The following PLXNA4 variants were observed in gnomAD, a reference collection of about 807,000 sequenced individuals.
The protein encoded by PLXNA4 is plexin A4.
PLXNA4 carries 44 observed loss-of-function variants against 191.8 expected under a neutral mutation model. That is an observed-to-expected ratio of 0.23 (90% CI 0.18 to 0.29). The LOEUF is 0.29. Among genes scored for constraint, PLXNA4 ranks in the 10% least tolerant of loss-of-function variants. The pLI is 1.00. For missense variants in PLXNA4, 1,800 were observed against 2,488.8 expected (o/e 0.72, Z 5.89); for synonymous variants, 1,082 against 1,009.5 (o/e 1.07, Z -1.36).
intron 3 of PLXNA4, among the ~76,000 whole-genome samples, chr7:132,402,114 C>T (rs1794009818): frequency 1.3e-5 from 2 of 152,286 alleles, no homozygotes; most frequent in South Asian, 4.1e-4. Flanking sequence ...CATACCAAAG[C>T]GAATGCACTT....
chr7:132,258,018 G>C (rs751630334), intron 4 of PLXNA4, among the ~76,000 whole-genome samples: 1 of 152,354 alleles, frequency 6.6e-6, no homozygotes, highest in South Asian at 2.1e-4. Flanking sequence ...AGCTGGAAAA[G>C]GGTCATTGAA....
At chr7:132,629,139 T>C (rs1322565235) in intron 2 of PLXNA4, among the ~76,000 whole-genome samples, 1 of 152,236 alleles carries the variant, frequency 6.6e-6, no homozygotes, top group African/African-American at 2.4e-5. Context: ...TGGATTGTTT[T>C]ACTCAGAGAG....
intron 3 of PLXNA4, among the ~76,000 whole-genome samples, chr7:132,341,662 CT>C (rs1480492972): frequency 3.9e-5 from 6 of 152,284 alleles, no homozygotes; most frequent in East Asian, 1.9e-4. Context: ...CCCAGCCCCC[CT>C]AGCCTGCCTG....
intron 3 of PLXNA4, among the ~76,000 whole-genome samples, chr7:132,462,265 A>T (rs765626748): frequency 1.3e-5 from 2 of 152,226 alleles, no homozygotes; most frequent in African/African-American, 2.4e-5. Flanking sequence ...TAGGATGAAT[A>T]CTTTCCAAAT....
intron 1 of PLXNA4, among the ~76,000 whole-genome samples, chr7:132,547,559 G>T (rs1033982385): frequency 6.6e-6 from 1 of 152,124 alleles, no homozygotes; most frequent in Admixed American, 6.5e-5. Context: ...AAGACAAGAG[G>T]CTGGGAGCTG....
chr7:132,237,745 G>A (rs1303741524), intron 5 of PLXNA4, among the ~76,000 whole-genome samples: 1 of 152,200 alleles, frequency 6.6e-6, no homozygotes, highest in Non-Finnish European at 1.5e-5. Flanking sequence ...CCATCACTGT[G>A]AGAAGGTACC....
intron 7 of PLXNA4, among the ~76,000 whole-genome samples, chr7:132,226,596 TTCTAGGAA>T (rs142381786): frequency 0.047 from 7,096 of 152,324 alleles, 204 homozygotes; most frequent in Non-Finnish European, 0.058. Flanking sequence ...ATATGTAGAC[TTCTAGGAA>T]TCTAGGAATG....
chr7:132,132,511 TA>T (rs1293913976), intron 31 of PLXNA4, among the ~76,000 whole-genome samples: 12 of 131,094 alleles, frequency 9.2e-5, no homozygotes, highest in Middle Eastern at 3.8e-3. Flanking sequence ...TATTCTATTC[TA>T]TTCTATTCTA....
intron 25 of PLXNA4, among the ~76,000 whole-genome samples, chr7:132,149,700 A>C (rs1251289279): frequency 6.6e-6 from 1 of 152,230 alleles, no homozygotes; most frequent in Non-Finnish European, 1.5e-5. Context: ...TGAAATGTGC[A>C]AAGAATGCTG....
chr7:132,495,777 G>A (rs969847464), intron 2 of PLXNA4, among the ~76,000 whole-genome samples: 11 of 152,168 alleles, frequency 7.2e-5, no homozygotes, highest in African/African-American at 2.7e-4. Flanking sequence ...CCCATGGTGG[G>A]GCCAACTGGA....
chr7:132,341,421 G>A (rs1049082602), intron 3 of PLXNA4, among the ~76,000 whole-genome samples: 1 of 152,186 alleles, frequency 6.6e-6, no homozygotes, highest in Non-Finnish European at 1.5e-5. Context: ...ATGTTAGATT[G>A]TGAGGGAAAA....
At chr7:132,580,784 TAG>T (rs1802386538), upstream of PLXNA4, among the ~76,000 whole-genome samples, 1 of 152,204 alleles carries the variant, frequency 6.6e-6, no homozygotes, top group Admixed American at 6.5e-5. Context: ...CTGGTGGTGC[TAG>T]AGAGACATTT....
At position 132,508,820 on chromosome 7, in the gene PLXNA4, T is replaced by C; in HGVS notation, c.-86-41A>G. ...ACAATGAGCTGGATAACAATGCCAG[T>C]GGCTTCATTTCACCCCACAGCTTGT... On this transcript the variant is annotated intron_variant, in intron 1 of 31. Transcript: ENST00000321063. This position sits in a 1 kb window ranked among gnomAD's most constrained non-coding sequence, Gnocchi z 4.4. 1 of 1,420,812 alleles carries C rather than the reference T, an allele frequency of 7.0e-7. No homozygotes were observed. The highest frequency in any genetic ancestry group is 9.2e-7 in the Non-Finnish European group (1 of 1,087,274). The allele number at this position is 1,420,812 out of a possible 1,614,324, so 88.0% of individuals were successfully genotyped here.
rs77548072 is a variant in PLXNA4, at chr7:132,559,957, G to A, written c.-87+16465C>T. The stretch of plus-strand genomic sequence containing the variant: ...AGGGGGTAGAACCTGGAGAGGGGCT[G>A]CCCCACCTAAAGGCATTCCCATGAT... On this transcript the variant is annotated intron_variant, in intron 1 of 31. Coordinates refer to ENST00000321063, the MANE Select transcript of PLXNA4 (RefSeq NM_020911.2). Among the ~76,000 whole-genome samples, 11 of 152,282 alleles carry A rather than the reference G, an allele frequency of 7.2e-5. No homozygotes were observed. In the East Asian group the frequency reaches 1.5e-3, roughly 21 times the overall value.
At chr7:132,286,196 C>G (rs766528783) in intron 4 of PLXNA4, among the ~76,000 whole-genome samples, 5 of 152,172 alleles carry the variant, frequency 3.3e-5, no homozygotes, top group Non-Finnish European at 4.4e-5. Context: ...AGAACAAGGC[C>G]TTCCCTCGGC....
At chr7:132,264,719 A>G (rs1799782900) in intron 4 of PLXNA4, among the ~76,000 whole-genome samples, 1 of 145,258 alleles carries the variant, frequency 6.9e-6, no homozygotes, top group Admixed American at 7.0e-5. Flanking sequence ...CTTTTTGTAG[A>G]CAGAGTCTCA....
intron 3 of PLXNA4, among the ~76,000 whole-genome samples, chr7:132,369,943 C>G (rs1220433440): frequency 6.6e-6 from 1 of 151,916 alleles, no homozygotes; most frequent in Admixed American, 6.6e-5. Context: ...TGCCAGGTGC[C>G]TGCAGTCCCA....
At chr7:132,292,523 A>G (rs1313622091) in intron 4 of PLXNA4, among the ~76,000 whole-genome samples, 1 of 152,212 alleles carries the variant, frequency 6.6e-6, no homozygotes, top group African/African-American at 2.4e-5. Context: ...CGTCATCTCC[A>G]GGCAGGAGGT....
At chr7:132,452,990 C>A (rs1216507928) in intron 3 of PLXNA4, among the ~76,000 whole-genome samples, 1 of 152,182 alleles carries the variant, frequency 6.6e-6, no homozygotes. Flanking sequence ...CCTTCTGCAT[C>A]TGCCTCCTCC....
Sources: allele counts gnomAD v4.1 joint callset (sites outside exome capture counted in the v4.1 genomes callset), GRCh38; gene constraint gnomAD v4.1.1; non-coding constraint Gnocchi (gnomAD v3.1); transcripts MANE v1.5; gene names NCBI Gene and HGNC (gene_info 2026-07-23, HGNC 2026-07-21).